CHRM3: variants seen among roughly 807,000 people sequenced by gnomAD.
CHRM3 encodes muscarinic acetylcholine receptor M3.
Under a neutral mutation model 41.8 loss-of-function variants are expected in CHRM3, and 11 were observed. The ratio of observed to expected loss-of-function variants is 0.26; its 90% CI spans 0.17 to 0.44. The LOEUF is 0.44. CHRM3 is among the 20% of genes least tolerant of loss of function. CHRM3 has a pLI of 1.00. For synonymous variants in CHRM3, 297 were observed against 301.4 expected, an observed-to-expected ratio of 0.99 and a Z score of 0.15; for missense variants, 571 against 745.4, an observed-to-expected ratio of 0.77 and a Z score of 2.72.
intron 5 of CHRM3, among the ~76,000 whole-genome samples, chr1:239,759,538 C>A (rs1453809662): frequency 6.6e-6 from 1 of 152,086 alleles, no homozygotes; most frequent in East Asian, 1.9e-4. Context: ...CTTATCACTC[C>A]AATAAAACAG....
At chr1:239,551,009 C>T (rs1659754788) in intron 3 of CHRM3, among the ~76,000 whole-genome samples, 1 of 151,688 alleles carries the variant, frequency 6.6e-6, no homozygotes, top group South Asian at 2.1e-4. Flanking sequence ...TTAAAGTATA[C>T]ATATTAAAGC....
intron 1 of CHRM3, among the ~76,000 whole-genome samples, chr1:239,423,176 C>T: frequency 6.6e-6 from 1 of 152,130 alleles, no homozygotes; most frequent in East Asian, 1.9e-4. Flanking sequence ...ATTGAAATTC[C>T]AAAGAAATTT....
intron 1 of CHRM3, among the ~76,000 whole-genome samples, chr1:239,427,515 G>A (rs908241844): frequency 2.6e-5 from 4 of 152,020 alleles, no homozygotes; most frequent in Non-Finnish European, 5.9e-5. Flanking sequence ...TATACATGCT[G>A]ACCTCCCTCT....
At chr1:239,503,658 T>C (rs1260005223) in intron 2 of CHRM3, among the ~76,000 whole-genome samples, 1 of 152,128 alleles carries the variant, frequency 6.6e-6, no homozygotes, top group East Asian at 1.9e-4. Flanking sequence ...CTACCTGATT[T>C]CCAACTATAC....
intron 3 of CHRM3, among the ~76,000 whole-genome samples, chr1:239,585,222 T>G (rs1178834691): frequency 6.6e-6 from 1 of 152,150 alleles, no homozygotes; most frequent in Non-Finnish European, 1.5e-5. Flanking sequence ...TCTATTTGAA[T>G]AATGACTGGT....
At chr1:239,764,956 G>A (rs1288659628) in intron 5 of CHRM3, among the ~76,000 whole-genome samples, 2 of 152,342 alleles carry the variant, frequency 1.3e-5, no homozygotes, top group South Asian at 4.1e-4. Context: ...GAAATACCAT[G>A]ATTCTAGAAA....
At chr1:239,451,033 C>T (rs994571238) in intron 1 of CHRM3, among the ~76,000 whole-genome samples, 15 of 151,998 alleles carry the variant, frequency 9.9e-5, no homozygotes, top group Admixed American at 9.2e-4. Flanking sequence ...CCAGCCTGGG[C>T]AACACAGCGA....
intron 1 of CHRM3, among the ~76,000 whole-genome samples, chr1:239,467,432 G>C (rs1320591864): frequency 1.3e-5 from 2 of 152,018 alleles, no homozygotes; most frequent in African/African-American, 2.4e-5. Context: ...CTCCCGAGTA[G>C]CTGGGATTAC....
In CHRM3 at chr1:239,669,270, C is replaced by T. The variant is rs115445200; in HGVS notation, c.-249-8916C>T. ...TTCTTTCCCTTTTAAACTTTTTATACGCTCCTTTCTTTGTCTTTGTTATGT... is the reference window on the plus strand; with the variant it reads ...TTCTTTCCCTTTTAAACTTTTTATATGCTCCTTTCTTTGTCTTTGTTATGT... On this transcript the variant is annotated intron_variant, in intron 4 of 6. Transcript: ENST00000676153. Among the ~76,000 whole-genome samples, 486 of 152,188 alleles carry T rather than the reference C, an allele frequency of 3.2e-3. 3 individuals carry two copies. Among genetic ancestry groups the T allele is most frequent in the African/African-American group, 0.011 (458 of 41,522 alleles).
intron 1 of CHRM3, among the ~76,000 whole-genome samples, chr1:239,487,357 C>T (rs1667243878): frequency 6.6e-6 from 1 of 152,032 alleles, no homozygotes; most frequent in Non-Finnish European, 1.5e-5. Flanking sequence ...AAATGAAAAA[C>T]CGAGTAGAAT....
chr1:239,472,486 G>A (rs950707997), intron 1 of CHRM3, among the ~76,000 whole-genome samples: 3 of 152,182 alleles, frequency 2.0e-5, no homozygotes, highest in South Asian at 2.1e-4. Context: ...GAGCAATTCT[G>A]TTCCGATGTG....
chr1:239,701,806 C>T (rs575769834), intron 5 of CHRM3, among the ~76,000 whole-genome samples: 1 of 152,246 alleles, frequency 6.6e-6, no homozygotes, highest in South Asian at 2.1e-4. Flanking sequence ...TATGTTTGCT[C>T]CTTCTCACCC....
intron 4 of CHRM3, among the ~76,000 whole-genome samples, chr1:239,644,473 G>A (rs956773871): frequency 6.6e-6 from 1 of 152,166 alleles, no homozygotes; most frequent in African/African-American, 2.4e-5. Flanking sequence ...GATCACAAAT[G>A]TATTTGAGTT....
chr1:239,691,990 C>T (rs959706437), intron 5 of CHRM3, among the ~76,000 whole-genome samples: 7 of 152,162 alleles, frequency 4.6e-5, no homozygotes, highest in African/African-American at 1.4e-4. Context: ...AATGAATTAG[C>T]GATTTTAAAT....
At chr1:239,756,076 C>G (rs1176022000) in intron 5 of CHRM3, among the ~76,000 whole-genome samples, 2 of 152,120 alleles carry the variant, frequency 1.3e-5, no homozygotes, top group African/African-American at 4.8e-5. Context: ...CCTAAGCTTC[C>G]CCAGCAAATG....
At chr1:239,651,993 T>G (rs550131386) in intron 4 of CHRM3, among the ~76,000 whole-genome samples, 58 of 151,936 alleles carry the variant, frequency 3.8e-4, no homozygotes, top group African/African-American at 1.3e-3. Context: ...TTGTTTTTTT[T>G]TTTTTTTTTG....
At chr1:239,571,491 G>A (rs1251360656) in intron 3 of CHRM3, among the ~76,000 whole-genome samples, 3 of 152,104 alleles carry the variant, frequency 2.0e-5, no homozygotes, top group Non-Finnish European at 4.4e-5. Flanking sequence ...GAGCAGTCTT[G>A]GAGATGCATA....
intron 3 of CHRM3, among the ~76,000 whole-genome samples, chr1:239,565,885 G>A (rs1044613923): frequency 1.3e-5 from 2 of 148,284 alleles, no homozygotes; most frequent in South Asian, 2.2e-4. Context: ...TGAGCAAAAT[G>A]ATTTTCACTG....
Position 239,492,592 on chromosome 1 carries a change from C to CTGTA in CHRM3, c.-520-116_-520-113dup, listed in dbSNP as rs1667625668. 2.0e-5 allele frequency: 3 copies of CTGTA among 152,340 alleles called. No individual in the cohort carries two copies. In the South Asian group the frequency reaches 6.2e-4, roughly 32 times the overall value. The allele number at this position is 152,340 out of a possible 1,614,324, so 9.4% of individuals were successfully genotyped here. A position where few individuals can be genotyped will look rare whatever the true frequency, so the allele number is the denominator to read the frequency against. Reference sequence around the variant, plus strand: ...TTTTATCCCAACATTCCTGGCCTTACTGTACTCTCTCACTCTTCCCACACA... The same window carrying CTGTA: ...TTTTATCCCAACATTCCTGGCCTTACTGTATGTACTCTCTCACTCTTCCCACACA... On this transcript the variant is annotated intron_variant, in intron 1 of 6. Transcript: ENST00000676153.
Sources: gnomAD v4.1 joint callset for allele counts (sites outside exome capture counted in the v4.1 genomes callset) on GRCh38, gnomAD v4.1.1 for gene constraint, MANE v1.5 for transcripts, NCBI Gene and HGNC (gene_info 2026-07-23, HGNC 2026-07-21) for gene names.